Variants in MKLN1 observed in about 807,000 individuals in gnomAD.
MKLN1 encodes the protein muskelin 1, also known as muskelin.
A neutral mutation model predicts 99.0 loss-of-function variants in MKLN1; 18 were observed. The observed-to-expected ratio is 0.18, with a 90% CI of 0.13 to 0.27. MKLN1 has a LOEUF of 0.27. MKLN1 is among the 10% of genes least tolerant of loss of function. The pLI is 1.00. For missense variants in MKLN1, 621 were observed against 875.9 expected (o/e 0.71, Z 3.67); for synonymous variants, 288 against 293.2 (o/e 0.98, Z 0.18).
chr7:131,227,114 G>A (rs1797158980), intron 3 of MKLN1, among the ~76,000 whole-genome samples: 1 of 152,112 alleles, frequency 6.6e-6, no homozygotes, highest in Non-Finnish European at 1.5e-5. Flanking sequence ...GAGTTCATGT[G>A]AGCTTTTCTA....
At chr7:131,254,040 C>T (rs921794309) in intron 3 of MKLN1, among the ~76,000 whole-genome samples, 13 of 152,114 alleles carry the variant, frequency 8.5e-5, no homozygotes, top group African/African-American at 2.9e-4. Context: ...TTGTTGAAAA[C>T]AATAGAATGA....
chr7:131,329,924 A>G (rs984963291), intron 1 of MKLN1, among the ~76,000 whole-genome samples: 2 of 152,242 alleles, frequency 1.3e-5, no homozygotes, highest in Admixed American at 1.3e-4. Flanking sequence ...CACTTACTAT[A>G]TCTTGTTTAA....
intron 3 of MKLN1, among the ~76,000 whole-genome samples, chr7:131,322,823 G>C (rs1392424829): frequency 6.6e-6 from 1 of 151,976 alleles, no homozygotes; most frequent in East Asian, 1.9e-4. Flanking sequence ...ACCCGCCTCG[G>C]CCTCCCAAAG....
intron 2 of MKLN1, among the ~76,000 whole-genome samples, chr7:131,187,386 G>A (rs1012020761): frequency 2.0e-5 from 3 of 151,652 alleles, no homozygotes; most frequent in African/African-American, 4.9e-5. Flanking sequence ...CTGTAGTGTA[G>A]GTGAAGATGT....
At chr7:131,166,800 C>G (rs1405065965) in intron 2 of MKLN1, among the ~76,000 whole-genome samples, 1 of 152,182 alleles carries the variant, frequency 6.6e-6, no homozygotes, top group Non-Finnish European at 1.5e-5. Flanking sequence ...ACTCTCCTGC[C>G]TCAGCCTCCC....
intron 3 of MKLN1, among the ~76,000 whole-genome samples, chr7:131,254,167 C>A (rs1275159189): frequency 6.6e-6 from 1 of 152,090 alleles, no homozygotes; most frequent in Non-Finnish European, 1.5e-5. Flanking sequence ...GATTGCCATC[C>A]CGAGGGGGCT....
chr7:131,422,262 C>T (rs1021399920), intron 8 of MKLN1, among the ~76,000 whole-genome samples: 3 of 152,178 alleles, frequency 2.0e-5, no homozygotes, highest in African/African-American at 7.2e-5. Context: ...AAATTAAGAA[C>T]ACTGGCCAGA....
chr7:131,235,220 CTT>C (rs1797301988), intron 3 of MKLN1, among the ~76,000 whole-genome samples: 1 of 152,008 alleles, frequency 6.6e-6, no homozygotes, highest in East Asian at 1.9e-4. Flanking sequence ...CTCTCTATCT[CTT>C]TCTCTCTGTG....
At chr7:131,120,152 C>G (rs1278971983) in intron 1 of MKLN1, among the ~76,000 whole-genome samples, 19 of 92,086 alleles carry the variant, frequency 2.1e-4, no homozygotes, top group South Asian at 7.3e-4. Context: ...GCCTGGGGGA[C>G]AGAGTGAGAC....
At chr7:131,485,174 A>G (rs1396441338) in intron 17 of MKLN1, among the ~76,000 whole-genome samples, 1 of 152,124 alleles carries the variant, frequency 6.6e-6, no homozygotes, top group Non-Finnish European at 1.5e-5. Context: ...GTACATTTCA[A>G]AAAGACACAG....
chr7:131,292,483 T>A (rs572836645), intron 3 of MKLN1, among the ~76,000 whole-genome samples: 7 of 152,274 alleles, frequency 4.6e-5, no homozygotes, highest in Non-Finnish European at 1.0e-4. Flanking sequence ...GGAAACAGCA[T>A]TGGGGCACAA....
At chr7:131,154,653 T>C (rs1795938492) in intron 2 of MKLN1, among the ~76,000 whole-genome samples, 1 of 152,210 alleles carries the variant, frequency 6.6e-6, no homozygotes, top group Non-Finnish European at 1.5e-5. Flanking sequence ...TGATATATGA[T>C]ATACATACAC....
chr7:131,393,530 T>C (rs1794267974), intron 4 of MKLN1, among the ~76,000 whole-genome samples: 1 of 152,352 alleles, frequency 6.6e-6, no homozygotes, highest in South Asian at 2.1e-4. Context: ...GTATTAAAAA[T>C]TATAACTAAT....
At chr7:131,290,693 A>G (rs1445425418) in intron 3 of MKLN1, among the ~76,000 whole-genome samples, 3 of 152,242 alleles carry the variant, frequency 2.0e-5, no homozygotes, top group Non-Finnish European at 4.4e-5. Flanking sequence ...CCACAATATC[A>G]TTTATTTTAA....
intron 1 of MKLN1, among the ~76,000 whole-genome samples, chr7:131,120,875 G>A (rs1006716337): frequency 8.5e-5 from 13 of 152,112 alleles, no homozygotes; most frequent in African/African-American, 2.7e-4. Context: ...ACCTCTGCCC[G>A]TTACCCAGTT....
At chr7:131,441,746 T>A (rs752266079) in intron 10 of MKLN1, among the ~76,000 whole-genome samples, 14 of 152,210 alleles carry the variant, frequency 9.2e-5, no homozygotes, top group Non-Finnish European at 2.1e-4. Context: ...TAAGCTTGAA[T>A]ATTCTCAAAA....
intron 3 of MKLN1, among the ~76,000 whole-genome samples, chr7:131,212,936 C>CA (rs67854914): frequency 0.18 from 26,414 of 148,466 alleles, 2,804 homozygotes; most frequent in Non-Finnish European, 0.24. Context: ...AAAAAAAAAA[C>CA]AAAAAACACC....
chr7:131,119,914 C>A (rs1012449915), intron 1 of MKLN1, among the ~76,000 whole-genome samples: 1 of 152,204 alleles, frequency 6.6e-6, no homozygotes, highest in Non-Finnish European at 1.5e-5. Context: ...GCTGCATGGT[C>A]AGGCTGCAAA....
At chr7:131,368,799 C>T (rs986734856) in intron 1 of MKLN1, among the ~76,000 whole-genome samples, 7 of 152,088 alleles carry the variant, frequency 4.6e-5, no homozygotes, top group Non-Finnish European at 7.4e-5. Flanking sequence ...GTCATGTCAA[C>T]TATTATTTTC....
Sources: gnomAD v4.1 joint callset for allele counts (sites outside exome capture counted in the v4.1 genomes callset) on GRCh38, gnomAD v4.1.1 for gene constraint, MANE v1.5 for transcripts, NCBI Gene and HGNC (gene_info 2026-07-23, HGNC 2026-07-21) for gene names.